CHSY1: variants seen among roughly 807,000 people sequenced by gnomAD.
The protein encoded by CHSY1 is chondroitin sulfate synthase 1.
In CHSY1, 13 loss-of-function variants were observed where a neutral mutation model predicts 59.8. The ratio of observed to expected loss-of-function variants is 0.22; its 90% CI spans 0.14 to 0.35. CHSY1 has a LOEUF of 0.35. Ranked by LOEUF, CHSY1 falls within the 10% of genes least tolerant of loss-of-function variation. CHSY1 has a pLI of 1.00. For synonymous variants in CHSY1, 459 were observed against 401.2 expected, an observed-to-expected ratio of 1.14 and a Z score of -1.72; for missense variants, 947 against 1,030.6, an observed-to-expected ratio of 0.92 and a Z score of 1.11.
At chr15:101,230,054 G>A (rs2141272170) in intron 2 of CHSY1, among the ~76,000 whole-genome samples, 1 of 150,658 alleles carries the variant, frequency 6.6e-6, no homozygotes, top group East Asian at 2.0e-4. Flanking sequence ...TGATTCTCCT[G>A]CCTCAGCCTC....
chr15:101,213,644 G>T (rs752807338), intron 2 of CHSY1, among the ~76,000 whole-genome samples: 9 of 152,102 alleles, frequency 5.9e-5, no homozygotes, highest in Non-Finnish European at 1.2e-4. Context: ...AGACCCAAAT[G>T]AACAAGCAAG....
intron 2 of CHSY1, among the ~76,000 whole-genome samples, chr15:101,210,376 A>T (rs1314801269): frequency 6.6e-6 from 1 of 152,240 alleles, no homozygotes; most frequent in Non-Finnish European, 1.5e-5. Context: ...CATTTAATAG[A>T]AAAACTAATC....
intron 2 of CHSY1, chr15:101,189,301 C>A: frequency 8.0e-6 from 3 of 373,612 alleles, no homozygotes; most frequent in Non-Finnish European, 1.1e-5. Context: ...CCACTCCAGT[C>A]AACACGGACC....
At chr15:101,217,583 G>C (rs1321431773) in intron 2 of CHSY1, among the ~76,000 whole-genome samples, 1 of 152,170 alleles carries the variant, frequency 6.6e-6, no homozygotes, top group African/African-American at 2.4e-5. Flanking sequence ...GTGCCAGAAA[G>C]CAAAGAGGTG....
intron 1 of CHSY1, among the ~76,000 whole-genome samples, chr15:101,246,552 A>G (rs1239033488): frequency 6.6e-6 from 1 of 152,220 alleles, no homozygotes; most frequent in Non-Finnish European, 1.5e-5. Context: ...GAACAGACAG[A>G]AAGTTCAACG....
chr15:101,226,228 G>A (rs1027167777), intron 2 of CHSY1, among the ~76,000 whole-genome samples: 1 of 152,174 alleles, frequency 6.6e-6, no homozygotes, highest in Non-Finnish European at 1.5e-5. Context: ...AATGAGTTCT[G>A]AAGGGCTTTG....
intron 1 of CHSY1, among the ~76,000 whole-genome samples, chr15:101,250,601 T>C (rs2039097113): frequency 1.3e-5 from 2 of 152,198 alleles, no homozygotes; most frequent in Admixed American, 1.3e-4. Context: ...AACAGACTGG[T>C]GTGGTCCAAT....
chr15:101,224,616 T>G (rs1478972278), intron 2 of CHSY1, among the ~76,000 whole-genome samples: 1 of 152,200 alleles, frequency 6.6e-6, no homozygotes, highest in South Asian at 2.1e-4. Flanking sequence ...AATGTGCCCA[T>G]CAGCAAGCAC....
In CHSY1 at chr15:101,177,570, C is replaced by G; in HGVS notation, c.2227G>C (p.Val743Leu). Residue 743 changes from valine (V) to leucine (L), a missense_variant, in exon 3 of 3, where the codon GTC (valine) becomes CTC (leucine). Coordinates refer to ENST00000254190, the MANE Select transcript of CHSY1 (RefSeq NM_014918.5). ...CAAAAGACAGGATGGTGGACGTGGACTACTCCTACTTCCTGGCTCCTAAAC... is the reference window on the plus strand; with the variant it reads ...CAAAAGACAGGATGGTGGACGTGGAGTACTCCTACTTCCTGGCTCCTAAAC... ...KTFRSQEVGV[V>L]HVHHPVFCDP... 1 of 1,614,168 alleles carries G rather than the reference C, an allele frequency of 6.2e-7. No individual in the cohort carries two copies. The highest frequency in any genetic ancestry group is 8.5e-7 in the Non-Finnish European group (1 of 1,180,004).
intron 1 of CHSY1, among the ~76,000 whole-genome samples, chr15:101,249,608 G>A (rs1355398940): frequency 6.8e-6 from 1 of 146,722 alleles, no homozygotes; most frequent in Non-Finnish European, 1.5e-5. Flanking sequence ...CCGCCTCCTG[G>A]GTTCAAGCGA....
chr15:101,228,582 T>C (rs899764521), intron 2 of CHSY1, among the ~76,000 whole-genome samples: 7 of 152,114 alleles, frequency 4.6e-5, no homozygotes, highest in African/African-American at 1.4e-4. Context: ...GAAAAAAAGA[T>C]TGGCAACTAA....
intron 2 of CHSY1, among the ~76,000 whole-genome samples, chr15:101,194,231 T>C (rs878886013): frequency 4.6e-5 from 7 of 152,240 alleles, no homozygotes; most frequent in South Asian, 2.1e-4. Context: ...CATTAACACA[T>C]AGACCACCCA....
chr15:101,211,418 A>G (rs1200165334), intron 2 of CHSY1, among the ~76,000 whole-genome samples: 3 of 152,248 alleles, frequency 2.0e-5, no homozygotes, highest in Non-Finnish European at 4.4e-5. Context: ...GAAAAAATCC[A>G]GAGATCTTAG....
chr15:101,198,167 CTGGCTCTGAGCTCTGTGTCT>C (rs2038529427), intron 2 of CHSY1, among the ~76,000 whole-genome samples: 1 of 152,130 alleles, frequency 6.6e-6, no homozygotes, highest in Middle Eastern at 3.2e-3. Context: ...TGCTTAAGAC[CTGGCTCTGAGCTCTGTGTCT>C]CCAGGCTCTT....
At chr15:101,236,858 C>A (rs2038948641) in intron 1 of CHSY1, among the ~76,000 whole-genome samples, 1 of 149,836 alleles carries the variant, frequency 6.7e-6, no homozygotes, top group Admixed American at 6.9e-5. Flanking sequence ...TTTTAAAAAC[C>A]CCTCTGTTTC....
chr15:101,187,045 G>A (rs1417325132), intron 2 of CHSY1, among the ~76,000 whole-genome samples: 2 of 152,150 alleles, frequency 1.3e-5, no homozygotes, highest in Non-Finnish European at 2.9e-5. Context: ...AAGCATTAAA[G>A]GGCAATAACA....
At chr15:101,238,043 T>C (rs1240878054) in intron 1 of CHSY1, among the ~76,000 whole-genome samples, 1 of 152,126 alleles carries the variant, frequency 6.6e-6, no homozygotes, top group Non-Finnish European at 1.5e-5. Flanking sequence ...GGAGGAAAAT[T>C]GGGAGGAGCT....
At chr15:101,213,079 T>G (rs1448500651) in intron 2 of CHSY1, among the ~76,000 whole-genome samples, 1 of 151,992 alleles carries the variant, frequency 6.6e-6, no homozygotes, top group African/African-American at 2.4e-5. Flanking sequence ...TCTGAAAGAG[T>G]TAATTCTTCC....
chr15:101,215,769 G>A (rs1596445275), intron 2 of CHSY1, among the ~76,000 whole-genome samples: 1 of 152,172 alleles, frequency 6.6e-6, no homozygotes, highest in East Asian at 1.9e-4. Context: ...ACAAATGAAT[G>A]AACAATTCAT....
Sources: allele counts gnomAD v4.1 joint callset (sites outside exome capture counted in the v4.1 genomes callset), GRCh38; gene constraint gnomAD v4.1.1; transcripts MANE v1.5; gene names NCBI Gene and HGNC (gene_info 2026-07-23, HGNC 2026-07-21).